The following RHOBTB2 variants were observed in gnomAD, a reference collection of about 807,000 sequenced individuals.
The protein encoded by RHOBTB2 is Rho related BTB domain containing 2, also known as rho-related BTB domain-containing protein 2.
RHOBTB2 carries 39 observed loss-of-function variants against 66.5 expected under a neutral mutation model. The observed-to-expected ratio is 0.59, with a 90% CI of 0.45 to 0.77. The LOEUF is 0.77. Among genes scored for constraint, RHOBTB2 ranks in the 30% least tolerant of loss-of-function variants. The pLI, the probability that RHOBTB2 is intolerant of heterozygous loss-of-function variation, is 0.00. For synonymous variants in RHOBTB2, 390 were observed against 395.0 expected (o/e 0.99, Z 0.15); for missense variants, 755 against 999.1 (o/e 0.76, Z 3.29).
rs1432335327 is a variant in RHOBTB2 at position 23,019,964 on chromosome 8, ACT to A, written c.*2498_*2499del. 5 of 307,714 alleles carry A rather than the reference ACT, an allele frequency of 1.6e-5. No homozygotes were observed. The highest frequency in any genetic ancestry group is 4.4e-5 in the Admixed American group (1 of 22,762). The allele number at this position is 307,714 out of a possible 1,614,324, so 19.1% of individuals were successfully genotyped here. A position where few individuals can be genotyped will look rare whatever the true frequency, so the allele number is the denominator to read the frequency against. Reference sequence around the variant, plus strand: ...AGTCCCCAGGAACCTAGCTCTTTAAACTCTGGGGAGTCGGATTCAGGAAACAC... The same window carrying A: ...AGTCCCCAGGAACCTAGCTCTTTAAACTGGGGAGTCGGATTCAGGAAACAC... On this transcript the variant is annotated 3_prime_UTR_variant, in exon 10 of 10. Transcript: ENST00000251822.
chr8:22,990,325 G>T (rs1202821224), intron 1 of RHOBTB2, among the ~76,000 whole-genome samples: 2 of 152,174 alleles, frequency 1.3e-5, no homozygotes, highest in Admixed American at 1.3e-4. Context: ...AGGGCTGCTG[G>T]TGCACCCGTG....
Position 23,006,679 on chromosome 8 carries a change from C to A in RHOBTB2, c.483-49C>A. 1 of 1,539,756 alleles carries A rather than the reference C, an allele frequency of 6.5e-7. No homozygotes were observed. The highest frequency in any genetic ancestry group is 8.8e-7 in the Non-Finnish European group (1 of 1,130,434). On this transcript the variant is annotated intron_variant, in intron 4 of 9. Transcript: ENST00000251822. This position sits in a 1 kb window ranked among gnomAD's most constrained non-coding sequence, Gnocchi z 6.1. ...CTCCAGCCTGTGGAAGAACAGGCAGCCTCCCTCCACCACCAACACAAGCTT... is the reference window on the plus strand; with the variant it reads ...CTCCAGCCTGTGGAAGAACAGGCAGACTCCCTCCACCACCAACACAAGCTT...
At chr8:23,015,581 A>G (rs754354006) in intron 8 of RHOBTB2, 57 bp from the exon 9 acceptor site, 82 of 1,258,788 alleles carry the variant, frequency 6.5e-5, no homozygotes, top group Admixed American at 1.5e-4. Context: ...GGAGGTGTCT[A>G]TGCAGACCCT....
chr8:22,973,216 T>C, the RHOBTB2 span, among the ~76,000 whole-genome samples: 1 of 152,146 alleles, frequency 6.6e-6, no homozygotes, highest in East Asian at 1.9e-4. Flanking sequence ...TATTTTTCTT[T>C]CTTACATTTG....
chr8:22,990,660 G>A (rs989990951), intron 1 of RHOBTB2, among the ~76,000 whole-genome samples: 2 of 152,228 alleles, frequency 1.3e-5, no homozygotes, highest in Non-Finnish European at 2.9e-5. Context: ...TAGAGTGAAT[G>A]TTTCCAGGCA....
At chr8:22,977,565 C>A in the RHOBTB2 span, among the ~76,000 whole-genome samples, 1 of 66,896 alleles carries the variant, frequency 1.5e-5, no homozygotes, top group Non-Finnish European at 3.0e-5. Flanking sequence ...GAATGCGACC[C>A]TTTCTCAAAA....
intron 6 of RHOBTB2, among the ~76,000 whole-genome samples, chr8:23,008,857 C>T (rs1217058672): frequency 6.6e-6 from 1 of 151,998 alleles, no homozygotes; most frequent in Non-Finnish European, 1.5e-5. Flanking sequence ...GAACAGTGGC[C>T]TGGAGTGTGA....
chr8:22,958,431 A>T, the RHOBTB2 span, among the ~76,000 whole-genome samples: 1 of 152,094 alleles, frequency 6.6e-6, no homozygotes, highest in Non-Finnish European at 1.5e-5. Flanking sequence ...ACTTGAAGGA[A>T]CTTGTTTTAA....
At chr8:22,982,295 C>T in the RHOBTB2 span, among the ~76,000 whole-genome samples, 3 of 152,214 alleles carry the variant, frequency 2.0e-5, no homozygotes, top group Admixed American at 6.5e-5. Context: ...CTACCATCTC[C>T]TTCCAATAGT....
At chr8:22,976,825 T>C in the RHOBTB2 span, among the ~76,000 whole-genome samples, 1 of 152,020 alleles carries the variant, frequency 6.6e-6, no homozygotes, top group South Asian at 2.1e-4. Context: ...CGGGTTTTGC[T>C]ATATTGGCCA....
At chr8:22,985,343 C>T (rs1271504644), upstream of RHOBTB2, among the ~76,000 whole-genome samples, 3 of 152,184 alleles carry the variant, frequency 2.0e-5, no homozygotes, top group Non-Finnish European at 4.4e-5. Flanking sequence ...ATAGCAATAG[C>T]GGTTTAAATG....
At chr8:22,977,670 A>G in the RHOBTB2 span, among the ~76,000 whole-genome samples, 1 of 152,110 alleles carries the variant, frequency 6.6e-6, no homozygotes, top group Non-Finnish European at 1.5e-5. Flanking sequence ...TAATTCCATC[A>G]TGGTATACCC....
chr8:22,973,774 G>A, the RHOBTB2 span, among the ~76,000 whole-genome samples: 4 of 152,202 alleles, frequency 2.6e-5, no homozygotes, highest in East Asian at 7.7e-4. Context: ...AGGGGACAGA[G>A]GGAAGAGGCA....
upstream of RHOBTB2, among the ~76,000 whole-genome samples, chr8:22,985,325 C>T (rs569019966): frequency 1.6e-4 from 25 of 152,328 alleles, no homozygotes; most frequent in African/African-American, 5.1e-4. Flanking sequence ...GCGTCACAGG[C>T]GTAATCTATA....
At chr8:22,956,767 C>G in the RHOBTB2 span, among the ~76,000 whole-genome samples, 1 of 152,310 alleles carries the variant, frequency 6.6e-6, no homozygotes, top group South Asian at 2.1e-4. Context: ...ATTCAGGCAA[C>G]TCTCCCGCCT....
At chr8:23,005,884 G>C in intron 3 of RHOBTB2, 76 bp from the exon 4 acceptor site, 1 of 1,405,476 alleles carries the variant, frequency 7.1e-7, no homozygotes, top group Non-Finnish European at 9.9e-7. Flanking sequence ...TACAGGGCTG[G>C]GGTGGGGCAG....
chr8:22,961,399 C>T, the RHOBTB2 span, among the ~76,000 whole-genome samples: 1 of 152,120 alleles, frequency 6.6e-6, no homozygotes, highest in Non-Finnish European at 1.5e-5. Flanking sequence ...CTTCTATTTT[C>T]CTTCTATAAA....
rs1459958319 is a variant in RHOBTB2, at chr8:23,007,041, G to A, written c.796G>A (p.Ala266Thr). The A allele has an allele frequency of 7.5e-6, 12 of 1,609,514 alleles. No homozygotes were observed. The highest frequency in any genetic ancestry group is 3.3e-5 in the South Asian group (3 of 90,806). Residue 266 changes from alanine (A) to threonine (T), a missense_variant, in exon 5 of 10, where the codon GCG becomes ACG. Physicochemically the swap from Ala to Thr is moderately conservative, Grantham distance 58 (BLOSUM62 0). Transcript: ENST00000251822. ...CCACCTCCTGGAGGACCCGCTCTGC[G>A]CGGACGTCATCCTGGTGCTGCAGGA... ...PAHLLEDPLC[A>T]DVILVLQERV...
In RHOBTB2 at chr8:23,010,598, G is replaced by C. The variant is rs372306607; in HGVS notation, c.1681G>C (p.Gly561Arg). ...GGCCGTGCTGGAATACCTCTACACC[G>C]GCATGTTCACCTCCAGCCCCGACCT... The part of the protein sequence containing the change: ...MRAVLEYLYT[G>R]MFTSSPDLDD... Residue 561 changes from glycine (G) to arginine (R), a missense_variant, in exon 7 of 10, where the codon GGC becomes CGC. By Grantham distance (125) the Gly-to-Arg change is moderately radical. This residue lies in a region of RHOBTB2 where 353 missense variants were observed against 458.2 expected (regional missense o/e 0.77). Coordinates refer to ENST00000251822, the MANE Select transcript of RHOBTB2 (RefSeq NM_015178.3). 1 of 1,613,970 alleles carries C rather than the reference G, an allele frequency of 6.2e-7. No homozygotes were observed. Among genetic ancestry groups the C allele is most frequent in the African/African-American group, 1.3e-5 (1 of 74,890 alleles).
Sources: allele counts gnomAD v4.1 joint callset (sites outside exome capture counted in the v4.1 genomes callset), GRCh38; gene constraint gnomAD v4.1.1; regional missense constraint gnomAD v4.1.1; non-coding constraint Gnocchi (gnomAD v3.1); transcripts MANE v1.5; gene names NCBI Gene and HGNC (gene_info 2026-07-23, HGNC 2026-07-21).